The following SNED1 variants were observed in gnomAD, a reference collection of about 807,000 sequenced individuals.
The protein encoded by SNED1 is sushi, nidogen and EGF-like domain-containing protein 1.
In SNED1, 81 loss-of-function variants were observed where a neutral mutation model predicts 166.7. The observed-to-expected ratio is 0.49, with a 90% CI of 0.41 to 0.58. The LOEUF (loss-of-function observed/expected upper bound fraction) is 0.58. Among genes scored for constraint, SNED1 ranks in the 20% least tolerant of loss-of-function variants. The pLI is 0.00. For synonymous variants in SNED1, 762 were observed against 822.0 expected (o/e 0.93, Z 1.25); for missense variants, 1,604 against 2,000.2 (o/e 0.80, Z 3.78).
rs1397869875 is a variant in SNED1 at position 241,040,163 on chromosome 2, A to G, written c.1134A>G (p.Gly378=). The change falls in exon 7 of 32, where the codon GGA becomes GGG. Residue 378 remains glycine (G), a synonymous_variant. Coordinates refer to ENST00000310397, the MANE Select transcript of SNED1 (RefSeq NM_001080437.3). ...CTGCGGTGTGTGTGTGCCAGGCCGG[A>G]TACACCGGAGCAGCCTGCGAGATGG... ...NGSAVCVCQA[G]YTGAACEMDV... is the part of the protein sequence containing the mutation. The G allele has an allele frequency of 6.2e-7, 1 of 1,600,550 alleles. No homozygotes were observed.
At chr2:241,003,304 T>C (rs572848518) in intron 1 of SNED1, among the ~76,000 whole-genome samples, 4 of 152,294 alleles carry the variant, frequency 2.6e-5, no homozygotes, top group Admixed American at 1.3e-4. Flanking sequence ...GGGCTCAGAA[T>C]AGGCCTCAGA....
chr2:241,085,860 CTT>C (rs772995766), intron 29 of SNED1, among the ~76,000 whole-genome samples: 28 of 79,156 alleles, frequency 3.5e-4, no homozygotes, highest in African/African-American at 1.1e-3. Flanking sequence ...TCTGCGGTTT[CTT>C]TTTTTTTTTT....
In SNED1 at chr2:241,067,758, C is replaced by T; in HGVS notation, c.3011-6C>T. 6.2e-7 allele frequency: 1 copy of T among 1,601,544 alleles called. No individual in the cohort carries two copies. The highest frequency in any genetic ancestry group is 2.2e-5 in the East Asian group (1 of 44,504). On this transcript the variant is annotated splice_polypyrimidine_tract_variant and splice_region_variant and intron_variant, in intron 21 of 31. Coordinates refer to ENST00000310397, the MANE Select transcript of SNED1 (RefSeq NM_001080437.3). ...CGGCACCTGCTGAACAGTCCATTCC[C>T]CCTAGGACCCCGCCCTGTGGAAGGC... is the stretch of plus-strand genomic sequence containing the variant.
chr2:241,029,333 C>T (rs2061085573), intron 1 of SNED1, among the ~76,000 whole-genome samples: 1 of 152,230 alleles, frequency 6.6e-6, no homozygotes, highest in Non-Finnish European at 1.5e-5. Flanking sequence ...TGTCAGTCAG[C>T]CTCAGTGACT....
intron 27 of SNED1, among the ~76,000 whole-genome samples, 186 bp from the exon 28 acceptor site, chr2:241,081,491 T>G (rs1292832514): frequency 6.6e-6 from 1 of 152,178 alleles, no homozygotes; most frequent in African/African-American, 2.4e-5. Context: ...ACCTCTGCTC[T>G]CTCTCAACAC....
intron 17 of SNED1, 63 bp from the exon 18 acceptor site, chr2:241,063,524 T>TG (rs2062311292): frequency 9.4e-7 from 1 of 1,059,188 alleles, no homozygotes; most frequent in South Asian, 1.3e-5. Context: ...CACGGAATCC[T>TG]GGGGGCATGT....
In SNED1 at chr2:241,061,854, C is replaced by CA. The variant is rs1008386547; in HGVS notation, c.2258-924dup. ...GGCAACGAGCGAAACTCCATCCCCCCAAAAAAAAAAAAAGAAAAAAAGAAA... is the reference window on the plus strand; with the variant it reads ...GGCAACGAGCGAAACTCCATCCCCCCAAAAAAAAAAAAAAGAAAAAAAGAAA... On this transcript the variant is annotated intron_variant, in intron 16 of 31. Coordinates refer to ENST00000310397, the MANE Select transcript of SNED1 (RefSeq NM_001080437.3). Among the ~76,000 whole-genome samples the CA allele has an allele frequency of 8.6e-3, 1,013 of 117,952 alleles. 6 individuals are homozygous for CA. Among genetic ancestry groups the CA allele is most frequent in the Middle Eastern group, 0.018 (4 of 228 alleles). The allele number at this position is 117,952 out of a possible 152,430, so 77.4% of individuals were successfully genotyped here.
intron 29 of SNED1, 49 bp downstream of exon 29, chr2:241,082,413 G>T (rs773335144): frequency 1.4e-6 from 2 of 1,459,918 alleles, no homozygotes; most frequent in East Asian, 4.6e-5. Flanking sequence ...GTGTGTTCTT[G>T]ACTCCTCAAA....
At chr2:241,090,956 C>T (rs895016262) in intron 31 of SNED1, among the ~76,000 whole-genome samples, 4 of 152,010 alleles carry the variant, frequency 2.6e-5, no homozygotes, top group African/African-American at 4.8e-5. Context: ...GTCATGCGCG[C>T]GGTCCTTCAT....
In SNED1 at chr2:241,063,675, C is replaced by G. The variant is rs1303246315; in HGVS notation, c.2460C>G (p.Gly820=). Residue 820 remains glycine, a synonymous_variant, in exon 18 of 32, where the codon GGC becomes GGG. Transcript: ENST00000310397. ...CCTATGTCTGCCGGTGCCCTGCAGG[C>G]TTCGTTGGAGTCCACTGTGAGACAG... The part of the protein sequence containing the change: ...PGAYVCRCPA[G]FVGVHCETEV... The G allele has an allele frequency of 6.2e-7, 1 of 1,611,106 alleles. No individual in the cohort carries two copies. The highest frequency in any genetic ancestry group is 8.5e-7 in the Non-Finnish European group (1 of 1,178,604).
At chr2:241,085,568 G>C (rs940903752) in intron 29 of SNED1, among the ~76,000 whole-genome samples, 1 of 151,712 alleles carries the variant, frequency 6.6e-6, no homozygotes, top group East Asian at 1.9e-4. Flanking sequence ...CTCATGTCTG[G>C]GTCTTATTCT....
chr2:241,050,915 C>G (rs1172594507), intron 12 of SNED1, among the ~76,000 whole-genome samples: 1 of 152,228 alleles, frequency 6.6e-6, no homozygotes, highest in Non-Finnish European at 1.5e-5. Flanking sequence ...CTGTGCCCGC[C>G]CCAGGAACTG....
intron 17 of SNED1, chr2:241,063,258 AG>A: frequency 2.1e-6 from 1 of 479,940 alleles, no homozygotes; most frequent in Non-Finnish European, 3.8e-6. Context: ...GTACCTCGCT[AG>A]GGCTCTAAGC....
intron 4 of SNED1, 36 bp from the exon 5 acceptor site, chr2:241,036,754 A>G: frequency 6.2e-7 from 1 of 1,601,934 alleles, no homozygotes; most frequent in Non-Finnish European, 8.5e-7. Flanking sequence ...GTCCGGAGGC[A>G]GCGGCTGAGG....
Position 241,071,813 on chromosome 2 carries a change from A to G in SNED1, c.3752A>G (p.Asp1251Gly), listed in dbSNP as rs1216058287. ...TQPPRFSELV[D>G]GRGRVSARFG... ...CTCTGCAGGTTCTCGGAGCTTGTGG[A>G]CGGCAGAGGAAGAGTGAGCGCCAGG... Residue 1251 changes from aspartate to glycine, a missense_variant, in exon 26 of 32, where the codon GAC (aspartate) becomes GGC (glycine). Around this residue, in one of 2 missense-constraint regions of SNED1, gnomAD observed 367 missense variants for 379.4 expected, o/e 0.97. Coordinates refer to ENST00000310397, the MANE Select transcript of SNED1 (RefSeq NM_001080437.3). The G allele has an allele frequency of 1.3e-6, 2 of 1,592,700 alleles. No individual in the cohort carries two copies. The highest frequency in any genetic ancestry group is 2.3e-5 in the East Asian group (1 of 44,020).
chr2:241,040,161 G>A lies in SNED1; in HGVS notation c.1132G>A (p.Gly378Arg), dbSNP rs372137994. The A allele has an allele frequency of 1.3e-5, 21 of 1,599,920 alleles. No individual in the cohort carries two copies. The highest frequency in any genetic ancestry group is 3.4e-5 in the South Asian group (3 of 88,398). The change falls in exon 7 of 32, where the codon GGA (glycine) becomes AGA (arginine). Residue 378 changes from glycine to arginine, a missense_variant. Physicochemically the swap from Gly to Arg is moderately radical, Grantham distance 125 (BLOSUM62 -2). This residue lies in a region of SNED1 where 1,237 missense variants were observed against 1,620.8 expected (regional missense o/e 0.76). Coordinates refer to ENST00000310397, the MANE Select transcript of SNED1 (RefSeq NM_001080437.3). ...CTCTGCGGTGTGTGTGTGCCAGGCC[G>A]GATACACCGGAGCAGCCTGCGAGAT... ...NGSAVCVCQAGYTGAACEMDV... is the reference protein window; with the variant it reads ...NGSAVCVCQARYTGAACEMDV...
At chr2:241,025,432 C>T (rs777115544) in intron 1 of SNED1, among the ~76,000 whole-genome samples, 28 of 152,262 alleles carry the variant, frequency 1.8e-4, no homozygotes, top group East Asian at 5.8e-4. Context: ...TTCATTTATA[C>T]GTTTACTCTC....
intron 27 of SNED1, among the ~76,000 whole-genome samples, chr2:241,078,911 C>T (rs908323297): frequency 1.4e-5 from 2 of 148,056 alleles, no homozygotes; most frequent in East Asian, 2.0e-4. Flanking sequence ...GTCAGGAGTT[C>T]GAGACCAGCC....
At chr2:241,054,201 AT>A (rs2061972675) in intron 16 of SNED1, among the ~76,000 whole-genome samples, 2 of 152,180 alleles carry the variant, frequency 1.3e-5, no homozygotes, top group South Asian at 4.2e-4. Flanking sequence ...CCCCACCTAT[AT>A]GTTGCCAGAA....
Sources: allele counts gnomAD v4.1 joint callset (sites outside exome capture counted in the v4.1 genomes callset), GRCh38; gene constraint gnomAD v4.1.1; regional missense constraint gnomAD v4.1.1; transcripts MANE v1.5; gene names NCBI Gene and HGNC (gene_info 2026-07-23, HGNC 2026-07-21).